The following AMPD3 variants were observed in gnomAD, a reference collection of about 807,000 sequenced individuals.
AMPD3 encodes AMP deaminase 3.
Under a neutral mutation model 82.3 loss-of-function variants are expected in AMPD3, and 57 were observed. That is an observed-to-expected ratio of 0.69 (90% CI 0.56 to 0.86). The LOEUF is 0.86. Ranked by LOEUF, AMPD3 falls within the 40% of genes least tolerant of loss-of-function variation. The pLI is 0.00. For synonymous variants in AMPD3, 381 were observed against 394.7 expected (o/e 0.97, Z 0.41); for missense variants, 870 against 1,003.8 (o/e 0.87, Z 1.80).
chr11:10,461,666 C>T lies in AMPD3; in HGVS notation c.147C>T (p.Ile49=), dbSNP rs141926261. The T allele has an allele frequency of 4.2e-5, 68 of 1,614,080 alleles. No individual in the cohort carries two copies. The African/African-American group carries it at 4.4e-4, about 10-fold the overall frequency. Residue 49 remains isoleucine (I), a synonymous_variant, in exon 2 of 15, where the codon ATC becomes ATT. Transcript: ENST00000396553. ...SLFTVPEDCP[I]GQKEAKEREL... is the part of the protein sequence containing the mutation. ...TCACTGTCCCAGAGGACTGCCCCAT[C>T]GGGCAAAAGGAAGCCAAGGAGAGGG...
chr11:10,481,597 T>TA, intron 3 of AMPD3: 1 of 713,784 alleles, frequency 1.4e-6, no homozygotes, highest in Non-Finnish European at 1.7e-6. Context: ...TACTTACAGC[T>TA]TTGATTTATT....
At chr11:10,482,569 T>A (rs1591465402) in intron 4 of AMPD3, among the ~76,000 whole-genome samples, 1 of 151,902 alleles carries the variant, frequency 6.6e-6, no homozygotes, top group Non-Finnish European at 1.5e-5. Flanking sequence ...TGGCATGCAG[T>A]GGTGCAATCA....
In AMPD3 at chr11:10,495,020, G is replaced by A. The variant is rs778061442; in HGVS notation, c.1256G>A (p.Arg419Gln). 62 of 1,614,024 alleles carry A rather than the reference G, an allele frequency of 3.8e-5. No homozygotes were observed. Among genetic ancestry groups the A allele is most frequent in the African/African-American group, 4.0e-5 (3 of 74,922 alleles). The stretch of plus-strand genomic sequence containing the variant: ...TATCTGGGAGGAGAGTACTTTGCTC[G>A]GATGGTCAAGGTGAGTGAACCCTCA... ...ENYLGGEYFA[R>Q]MVKEVARELE... Residue 419 changes from arginine to glutamine, a missense_variant, in exon 8 of 15, where the codon CGG becomes CAG. Arg to Gln is a conservative substitution (Grantham distance 43). Coordinates refer to ENST00000396553, the MANE Select transcript of AMPD3 (RefSeq NM_001025389.2).
chr11:10,482,152 C>A lies in AMPD3; in HGVS notation c.516C>A (p.Arg172=), dbSNP rs1848928163. ...REKYARLAYH[R]FPRITSQYLG... ...AGTATGCGCGGCTCGCCTACCACCG[C>A]TTCCCGCGGATCACATCCCAGTACC... Residue 172 remains arginine, a synonymous_variant, in exon 4 of 15, where the codon CGC becomes CGA. Coordinates refer to ENST00000396553, the MANE Select transcript of AMPD3 (RefSeq NM_001025389.2). The A allele has an allele frequency of 6.2e-7, 1 of 1,613,970 alleles. No individual in the cohort carries two copies. Among genetic ancestry groups the A allele is most frequent in the Admixed American group, 1.7e-5 (1 of 60,012 alleles).
intron 2 of AMPD3, among the ~76,000 whole-genome samples, chr11:10,475,920 C>A (rs11042830): frequency 0.23 from 34,788 of 152,010 alleles, 4,535 homozygotes; most frequent in East Asian, 0.64. Flanking sequence ...GAAGTGAATT[C>A]CTTCCCAGAA....
chr11:10,486,292 C>T lies in AMPD3; in HGVS notation c.810-943C>T, dbSNP rs1048114474. On this transcript the variant is annotated intron_variant, in intron 5 of 14. Transcript: ENST00000396553. Reference sequence around the variant, plus strand: ...ATGGATGACTGTGCTGTTGCAGTGCCGGCAGATGCTCTTATGGAAGTCTAC... The same window carrying T: ...ATGGATGACTGTGCTGTTGCAGTGCTGGCAGATGCTCTTATGGAAGTCTAC... Among the ~76,000 whole-genome samples the T allele has an allele frequency of 7.9e-5, 12 of 152,256 alleles. No individual in the cohort carries two copies. The South Asian group carries it at 1.0e-3, about 13-fold the overall frequency.
At chr11:10,465,635 C>T (rs562014510) in intron 2 of AMPD3, among the ~76,000 whole-genome samples, 1 of 152,266 alleles carries the variant, frequency 6.6e-6, no homozygotes, top group East Asian at 1.9e-4. Context: ...CTTCCTTACC[C>T]AAGGGAAGCC....
At chr11:10,473,624 A>C (rs990709900) in intron 2 of AMPD3, 2 of 983,990 alleles carry the variant, frequency 2.0e-6, no homozygotes, top group Non-Finnish European at 2.4e-6. Flanking sequence ...GCATATGCGG[A>C]GTGAGTGATC....
intron 10 of AMPD3, chr11:10,499,633 G>A (rs1028208618): frequency 1.0e-5 from 10 of 984,360 alleles, no homozygotes; most frequent in Non-Finnish European, 1.2e-5. Flanking sequence ...ATTAACTGAC[G>A]TGAGTAAAGT....
intron 1 of AMPD3, among the ~76,000 whole-genome samples, chr11:10,457,361 G>A (rs943178958): frequency 6.6e-6 from 1 of 152,046 alleles, no homozygotes; most frequent in Non-Finnish European, 1.5e-5. Flanking sequence ...AACAAAAAGG[G>A]TTCTGTATGT....
At position 10,507,104 on chromosome 11, in the gene AMPD3, A is replaced by G. The variant is rs1247763795; in HGVS notation, c.*1220A>G. 1.3e-5 allele frequency: 2 copies of G among 152,650 alleles called. No homozygotes were observed. Among genetic ancestry groups the G allele is most frequent in the Admixed American group, 1.3e-4 (2 of 15,284 alleles). The allele number at this position is 152,650 out of a possible 1,614,324, so 9.5% of individuals were successfully genotyped here. A position where few individuals can be genotyped will look rare whatever the true frequency, so the allele number is the denominator to read the frequency against. ...GTGCCTGGTATGTAGTAGGTGCTCA[A>G]TAAATGCATATTGAATAACTAAGTG... On this transcript the variant is annotated 3_prime_UTR_variant, in exon 15 of 15. Transcript: ENST00000396553.
chr11:10,468,207 A>T (rs1848477661), intron 2 of AMPD3, among the ~76,000 whole-genome samples: 2 of 152,330 alleles, frequency 1.3e-5, no homozygotes, highest in South Asian at 4.1e-4. Context: ...GCCCCAATTA[A>T]AACACACAGA....
At chr11:10,460,720 A>C (rs1015231420) in intron 1 of AMPD3, among the ~76,000 whole-genome samples, 3 of 152,176 alleles carry the variant, frequency 2.0e-5, no homozygotes, top group African/African-American at 4.8e-5. Flanking sequence ...GAGTGTACAT[A>C]TTAAGTGCTA....
Position 10,507,055 on chromosome 11 carries a change from G to A in AMPD3, c.*1171G>A, listed in dbSNP as rs1347310223. On this transcript the variant is annotated 3_prime_UTR_variant, in exon 15 of 15. Transcript: ENST00000396553. ...GATTAATCTGAATTAAGCTTTATCA[G>A]TGTACTCTTTATCTGTGTTACTAGT... The A allele has an allele frequency of 2.6e-5, 4 of 152,628 alleles. No individual in the cohort carries two copies. Among genetic ancestry groups the A allele is most frequent in the Non-Finnish European group, 5.9e-5 (4 of 68,044 alleles). 9.5% of individuals were successfully genotyped at this position (152,628 alleles called of 1,614,324 possible). A position where few individuals can be genotyped will look rare whatever the true frequency, so the allele number is the denominator to read the frequency against.
intron 7 of AMPD3, among the ~76,000 whole-genome samples, chr11:10,494,216 C>A (rs56947147): frequency 1.3e-5 from 2 of 152,106 alleles, no homozygotes; most frequent in Non-Finnish European, 2.9e-5. Context: ...TATACTAAAT[C>A]GAAGCCAGAC....
intron 6 of AMPD3, among the ~76,000 whole-genome samples, chr11:10,491,822 A>G (rs1016638279): frequency 6.6e-6 from 1 of 152,198 alleles, no homozygotes; most frequent in African/African-American, 2.4e-5. Flanking sequence ...TGGATATATT[A>G]AATTTGAACT....
intron 3 of AMPD3, 50 bp downstream of exon 3, chr11:10,478,780 G>C (rs781287878): frequency 3.8e-6 from 6 of 1,583,958 alleles, no homozygotes; most frequent in Non-Finnish European, 5.1e-6. Flanking sequence ...AAAGGCCAGG[G>C]GCCCCATGGG....
intron 7 of AMPD3, among the ~76,000 whole-genome samples, chr11:10,494,200 A>G (rs1849323362): frequency 6.6e-6 from 1 of 152,236 alleles, no homozygotes; most frequent in Non-Finnish European, 1.5e-5. Flanking sequence ...GGATTTTTCA[A>G]AAGATTATAC....
At chr11:10,463,219 G>A (rs1312794634) in intron 2 of AMPD3, among the ~76,000 whole-genome samples, 4 of 151,996 alleles carry the variant, frequency 2.6e-5, no homozygotes, top group Non-Finnish European at 5.9e-5. Flanking sequence ...GTAGAAGCTC[G>A]CATTTTCTTA....
Sources: gnomAD v4.1 joint callset for allele counts (sites outside exome capture counted in the v4.1 genomes callset) on GRCh38, gnomAD v4.1.1 for gene constraint, MANE v1.5 for transcripts, NCBI Gene and HGNC (gene_info 2026-07-23, HGNC 2026-07-21) for gene names.